FAM227B: variants seen among roughly 807,000 people sequenced by gnomAD.
FAM227B encodes family with sequence similarity 227 member B.
A neutral mutation model predicts 73.8 loss-of-function variants in FAM227B; 88 were observed. The observed-to-expected ratio is 1.19, with a 90% confidence interval of 1.00 to 1.42. The LOEUF (loss-of-function observed/expected upper bound fraction) is 1.42, where lower values mean the gene tolerates loss of function less well. FAM227B is among the 40% of genes most tolerant of loss of function. FAM227B has a pLI of 0.00. For synonymous variants in FAM227B, 210 were observed against 190.5 expected, an observed-to-expected ratio of 1.10 and a Z score of -0.84; for missense variants, 632 against 590.9, an observed-to-expected ratio of 1.07 and a Z score of -0.72.
At chr15:49,457,106 A>G (rs943458180) in intron 11 of FAM227B, among the ~76,000 whole-genome samples, 2 of 152,098 alleles carry the variant, frequency 1.3e-5, no homozygotes, top group Non-Finnish European at 2.9e-5. Flanking sequence ...CATAATTTAC[A>G]GCAAGACGTT....
intron 11 of FAM227B, among the ~76,000 whole-genome samples, chr15:49,473,214 TCA>T (rs1325432833): frequency 6.6e-6 from 1 of 152,144 alleles, no homozygotes; most frequent in East Asian, 1.9e-4. Flanking sequence ...ACAGATTTAC[TCA>T]CAGTTTAGTT....
intron 11 of FAM227B, among the ~76,000 whole-genome samples, chr15:49,389,326 T>G (rs1281293540): frequency 6.6e-6 from 1 of 151,938 alleles, no homozygotes; most frequent in Non-Finnish European, 1.5e-5. Context: ...AAATTACCTC[T>G]TTTGCAGCAA....
chr15:49,548,406 G>T (rs564908727), intron 9 of FAM227B, among the ~76,000 whole-genome samples: 60 of 152,212 alleles, frequency 3.9e-4, no homozygotes, highest in African/African-American at 1.4e-3. Flanking sequence ...CTCACGTATT[G>T]TTGAATTTGG....
intron 11 of FAM227B, among the ~76,000 whole-genome samples, chr15:49,506,642 A>G (rs1030028091): frequency 6.6e-6 from 1 of 151,978 alleles, no homozygotes. Context: ...TAATTTTAAG[A>G]TATCTAGAAA....
At chr15:49,569,288 T>C (rs1156906799) in intron 8 of FAM227B, among the ~76,000 whole-genome samples, 1 of 151,836 alleles carries the variant, frequency 6.6e-6, no homozygotes, top group Non-Finnish European at 1.5e-5. Context: ...TAGCTAAAGG[T>C]TTGTCCATTT....
Position 49,476,232 on chromosome 15 carries a change from GT to G in FAM227B, c.1012+31978del. 7.8e-4 allele frequency among the ~76,000 whole-genome samples: 45 copies of G among 57,442 alleles called. 1 individual carries two copies. Among genetic ancestry groups the G allele is most frequent in the Middle Eastern group, 9.8e-3 (1 of 102 alleles). The allele number at this position is 57,442 out of a possible 152,430, so 37.7% of individuals were successfully genotyped here. On this transcript the variant is annotated intron_variant, in intron 11 of 15. Transcript: ENST00000299338. The stretch of plus-strand genomic sequence containing the variant: ...TTGCTGTTTTGTTTTTTTGTTTTTG[GT>G]TTTTTTTTTTTTGCATTTGGCATAT...
At chr15:49,609,643 T>C in intron 3 of FAM227B, among the ~76,000 whole-genome samples, 1 of 151,982 alleles carries the variant, frequency 6.6e-6, no homozygotes, top group Non-Finnish European at 1.5e-5. Context: ...ATTTCTTAAA[T>C]GAATTCATGG....
At chr15:49,501,708 G>C (rs1355613265) in intron 11 of FAM227B, among the ~76,000 whole-genome samples, 2 of 152,230 alleles carry the variant, frequency 1.3e-5, no homozygotes, top group Non-Finnish European at 2.9e-5. Flanking sequence ...ACTTGCTAGA[G>C]AAATTTGCAT....
intron 11 of FAM227B, among the ~76,000 whole-genome samples, chr15:49,476,785 C>T (rs763929545): frequency 9.2e-5 from 14 of 152,204 alleles, no homozygotes; most frequent in South Asian, 2.1e-4. Context: ...ATAGGCCAGG[C>T]GTGGTGGCTC....
chr15:49,573,329 C>T (rs1322952288), intron 8 of FAM227B, among the ~76,000 whole-genome samples: 1 of 152,070 alleles, frequency 6.6e-6, no homozygotes, highest in Non-Finnish European at 1.5e-5. Flanking sequence ...GGATATTTTC[C>T]TAGCTCAGAA....
At chr15:49,500,169 T>G (rs2058022991) in intron 11 of FAM227B, among the ~76,000 whole-genome samples, 1 of 152,208 alleles carries the variant, frequency 6.6e-6, no homozygotes, top group Non-Finnish European at 1.5e-5. Flanking sequence ...CATGGCACTG[T>G]ATTCCAGCCT....
At chr15:49,438,884 G>A (rs1310595930) in intron 11 of FAM227B, among the ~76,000 whole-genome samples, 4 of 151,182 alleles carry the variant, frequency 2.6e-5, no homozygotes, top group Non-Finnish European at 5.9e-5. Context: ...AAGAGAGAGG[G>A]AGAAAAAAGA....
At chr15:49,386,102 A>G (rs2046868012) in intron 11 of FAM227B, among the ~76,000 whole-genome samples, 1 of 151,896 alleles carries the variant, frequency 6.6e-6, no homozygotes, top group African/African-American at 2.4e-5. Flanking sequence ...CAACACAGAA[A>G]GTCAACAGAG....
intron 11 of FAM227B, among the ~76,000 whole-genome samples, chr15:49,392,047 A>G (rs1473013675): frequency 6.6e-6 from 1 of 152,194 alleles, no homozygotes; most frequent in Non-Finnish European, 1.5e-5. Context: ...TTTCAAGACA[A>G]GTAAAGAATA....
chr15:49,375,140 TATAC>T (rs1431218042), intron 11 of FAM227B, among the ~76,000 whole-genome samples: 2 of 152,180 alleles, frequency 1.3e-5, no homozygotes, highest in African/African-American at 4.8e-5. Context: ...GTTAACATAA[TATAC>T]ATAATTATAA....
At chr15:49,587,763 CA>C (rs1438812212) in intron 5 of FAM227B, among the ~76,000 whole-genome samples, 1 of 151,700 alleles carries the variant, frequency 6.6e-6, no homozygotes, top group Non-Finnish European at 1.5e-5. Flanking sequence ...ATTAAATAAC[CA>C]AAAAATGTAA....
rs1279791587 is a variant in FAM227B at position 49,327,437 on chromosome 15, G to A, written c.*1131C>T. On this transcript the variant is annotated 3_prime_UTR_variant, in exon 16 of 16. Coordinates refer to ENST00000299338, the MANE Select transcript of FAM227B (RefSeq NM_152647.3). The stretch of plus-strand genomic sequence containing the variant: ...GTGAACTAGGCTATCTGTTCTAGGG[G>A]ACTGATTCTTCTTTGAAACAGCCCG... 1 of 152,456 alleles carries A rather than the reference G, an allele frequency of 6.6e-6. No individual in the cohort carries two copies. The highest frequency in any genetic ancestry group is 1.5e-5 in the Non-Finnish European group (1 of 68,256). The allele number at this position is 152,456 out of a possible 1,614,324, so 9.4% of individuals were successfully genotyped here.
intron 11 of FAM227B, among the ~76,000 whole-genome samples, chr15:49,371,839 A>ATGAAATAAATTTCACTTATAAATAAG (rs2045840633): frequency 6.9e-6 from 1 of 145,756 alleles, no homozygotes; most frequent in Non-Finnish European, 1.5e-5. Flanking sequence ...TTATAAATAA[A>ATGAAATAAATTTCACTTATAAATAAG]TGAAATAAAA....
At chr15:49,467,245 A>G (rs2054348481) in intron 11 of FAM227B, among the ~76,000 whole-genome samples, 1 of 152,192 alleles carries the variant, frequency 6.6e-6, no homozygotes, top group African/African-American at 2.4e-5. Context: ...TCCTAGAGGT[A>G]GCTATGAACA....
Sources: gnomAD v4.1 joint callset for allele counts (sites outside exome capture counted in the v4.1 genomes callset) on GRCh38, gnomAD v4.1.1 for gene constraint, MANE v1.5 for transcripts, NCBI Gene and HGNC (gene_info 2026-07-23, HGNC 2026-07-21) for gene names.